The following CHST11 variants were observed in gnomAD, a reference collection of about 807,000 sequenced individuals.
CHST11 encodes the protein carbohydrate sulfotransferase 11, also known as C4S-1.
CHST11 carries 9 observed loss-of-function variants against 30.4 expected under a neutral mutation model. The ratio of observed to expected loss-of-function variants is 0.30; its 90% CI spans 0.18 to 0.52. The LOEUF is 0.52. Ranked by LOEUF, CHST11 falls within the 20% of genes least tolerant of loss-of-function variation. The pLI, the probability that CHST11 is intolerant of heterozygous loss-of-function variation, is 0.97. For synonymous variants in CHST11, 152 were observed against 187.8 expected (o/e 0.81, Z 1.56); for missense variants, 348 against 460.6 (o/e 0.76, Z 2.24).
intron 2 of CHST11, among the ~76,000 whole-genome samples, chr12:104,663,632 G>A (rs904603302): frequency 2.0e-5 from 3 of 151,950 alleles, no homozygotes. Flanking sequence ...GTTCAAAGGG[G>A]GCTCATACAG....
chr12:104,678,923 T>C (rs1164972793), intron 2 of CHST11, among the ~76,000 whole-genome samples: 11 of 152,184 alleles, frequency 7.2e-5, no homozygotes, highest in South Asian at 2.1e-4. Flanking sequence ...GTACTCTAGC[T>C]CACACAGTCT....
rs11112129 is a variant in CHST11 at position 104,603,192 on chromosome 12, A to C, written c.204+1201A>C. 1.8e-3 allele frequency among the ~76,000 whole-genome samples: 275 copies of C among 152,290 alleles called. 11 individuals carry two copies. The East Asian group carries it at 0.046, about 25-fold the overall frequency. ...TATAGGCAGGTCTCCCAGCCTGTCC[A>C]CACACACCCTGTCCTAAGGAAGAGG... On this transcript the variant is annotated intron_variant, in intron 2 of 2. Transcript: ENST00000303694.
intron 2 of CHST11, 23 bp downstream of exon 2, chr12:104,602,014 G>C: frequency 6.5e-7 from 1 of 1,530,496 alleles, no homozygotes; most frequent in Non-Finnish European, 8.8e-7. Flanking sequence ...CACTCTGTCA[G>C]CATGTGAATT....
At chr12:104,559,602 G>T (rs1241236300) in intron 1 of CHST11, among the ~76,000 whole-genome samples, 1 of 152,158 alleles carries the variant, frequency 6.6e-6, no homozygotes, top group Non-Finnish European at 1.5e-5. Flanking sequence ...AATTAGCCGG[G>T]CATGGTGGTG....
Position 104,469,512 on chromosome 12 carries a change from T to C in CHST11, c.118+11983T>C, listed in dbSNP as rs923378252. Among the ~76,000 whole-genome samples the C allele has an allele frequency of 4.6e-5, 7 of 152,330 alleles. No individual in the cohort carries two copies. The East Asian group carries it at 1.3e-3, about 29-fold the overall frequency. On this transcript the variant is annotated intron_variant, in intron 1 of 2. Coordinates refer to ENST00000303694, the MANE Select transcript of CHST11 (RefSeq NM_018413.6). ...TTTCAGAAAAATAACAGTGGTAGCA[T>C]GGCAGCCTGTATGTGAGCAGTTGTT...
chr12:104,543,815 C>CT (rs1289104677), intron 1 of CHST11, among the ~76,000 whole-genome samples: 1 of 151,984 alleles, frequency 6.6e-6, no homozygotes, highest in Non-Finnish European at 1.5e-5. Flanking sequence ...TTTCCCTTTA[C>CT]TTTTTTGGGG....
rs183345477 is a variant in CHST11 at position 104,519,305 on chromosome 12, A to G, written c.118+61776A>G. 4.0e-3 allele frequency among the ~76,000 whole-genome samples: 608 copies of G among 152,302 alleles called. 14 individuals are homozygous for G. Among genetic ancestry groups the G allele is most frequent in the Admixed American group, 0.036 (545 of 15,304 alleles). On this transcript the variant is annotated intron_variant, in intron 1 of 2. Transcript: ENST00000303694. ...GGAATTTCCAGGAAACCCCCTTACC[A>G]TAAGAGTTTAAATTAATAGTTTGCT...
At chr12:104,482,347 C>T (rs111347886) in intron 1 of CHST11, among the ~76,000 whole-genome samples, 2,327 of 92,412 alleles carry the variant, frequency 0.025, 60 homozygotes, top group African/African-American at 0.1. Flanking sequence ...ACAGGGAGCC[C>T]CCCCCCGCAA....
chr12:104,474,907 C>T (rs1288491139), intron 1 of CHST11, among the ~76,000 whole-genome samples: 1 of 152,150 alleles, frequency 6.6e-6, no homozygotes, highest in African/African-American at 2.4e-5. Context: ...GGTAGGGGGT[C>T]CCAGTAAACC....
chr12:104,747,576 A>G (rs2040398218), intron 2 of CHST11, among the ~76,000 whole-genome samples: 1 of 152,076 alleles, frequency 6.6e-6, no homozygotes, highest in Non-Finnish European at 1.5e-5. Context: ...ATCAGAGCAA[A>G]TCAGCTCATC....
At chr12:104,639,319 T>C (rs1185144) in intron 2 of CHST11, among the ~76,000 whole-genome samples, 78,210 of 152,062 alleles carry the variant, frequency 0.51, 20,314 homozygotes, top group East Asian at 0.6. Flanking sequence ...AAGGACTATA[T>C]ATAAATAGCA....
chr12:104,723,449 C>T (rs1451309612), intron 2 of CHST11, among the ~76,000 whole-genome samples: 2 of 152,228 alleles, frequency 1.3e-5, no homozygotes, highest in Non-Finnish European at 2.9e-5. Flanking sequence ...CTGTGGCCTG[C>T]AGTGAAGTGA....
Position 104,739,064 on chromosome 12 carries a change from G to A in CHST11, c.205-17885G>A, listed in dbSNP as rs181528713. Among the ~76,000 whole-genome samples, 28 of 152,302 alleles carry A rather than the reference G, an allele frequency of 1.8e-4. 1 individual carries two copies. The East Asian group carries it at 4.3e-3, about 23-fold the overall frequency. ...GTCTGAAGCTCATCCAGGGCAAAGC[G>A]GGACCTGCAGGTGGCAGACGCTGTC... On this transcript the variant is annotated intron_variant, in intron 2 of 2. Coordinates refer to ENST00000303694, the MANE Select transcript of CHST11 (RefSeq NM_018413.6).
intron 1 of CHST11, among the ~76,000 whole-genome samples, chr12:104,498,076 A>G (rs34760349): frequency 0.64 from 97,100 of 151,484 alleles, 31,986 homozygotes; most frequent in African/African-American, 0.79. Flanking sequence ...GTACCACCAC[A>G]CTTGGCTAAT....
chr12:104,704,076 C>T (rs995607391), intron 2 of CHST11, among the ~76,000 whole-genome samples: 1 of 152,194 alleles, frequency 6.6e-6, no homozygotes, highest in Non-Finnish European at 1.5e-5. Flanking sequence ...GGAAGTCAAA[C>T]GTTCGTCGAA....
intron 2 of CHST11, among the ~76,000 whole-genome samples, chr12:104,674,326 A>G (rs73191429): frequency 0.049 from 7,449 of 152,230 alleles, 255 homozygotes; most frequent in Middle Eastern, 0.14. Flanking sequence ...TGTTTCTATA[A>G]TGATAACCAC....
chr12:104,732,628 C>T (rs752155609), intron 2 of CHST11, among the ~76,000 whole-genome samples: 3 of 152,186 alleles, frequency 2.0e-5, no homozygotes, highest in Non-Finnish European at 2.9e-5. Context: ...AATAAAACAC[C>T]TTTTGGGGCT....
chr12:104,637,860 G>A (rs180822680), intron 2 of CHST11, among the ~76,000 whole-genome samples: 8 of 151,936 alleles, frequency 5.3e-5, no homozygotes, highest in Non-Finnish European at 1.0e-4. Context: ...TCCCTTTGCC[G>A]CACCCCCCCA....
rs147434504 is a variant in CHST11 at position 104,528,354 on chromosome 12, T to C, written c.118+70825T>C. 1.5e-3 allele frequency among the ~76,000 whole-genome samples: 224 copies of C among 152,352 alleles called. 3 individuals are homozygous for C. Among genetic ancestry groups the C allele is most frequent in the Middle Eastern group, 6.8e-3 (2 of 294 alleles). On this transcript the variant is annotated intron_variant, in intron 1 of 2. Transcript: ENST00000303694. ...AGCTAAAGGCTTCTTTGCCTCCAGA[T>C]CATTTCTGGCAGGGCTTGACACTCC... is the stretch of plus-strand genomic sequence containing the variant.
Sources: gnomAD v4.1 joint callset for allele counts (sites outside exome capture counted in the v4.1 genomes callset) on GRCh38, gnomAD v4.1.1 for gene constraint, MANE v1.5 for transcripts, NCBI Gene and HGNC (gene_info 2026-07-23, HGNC 2026-07-21) for gene names.